CHN1: variants seen among roughly 807,000 people sequenced by gnomAD.
The protein encoded by CHN1 is N-chimaerin.
CHN1 carries 37 observed loss-of-function variants against 59.5 expected under a neutral mutation model. The ratio of observed to expected loss-of-function variants is 0.62; its 90% CI spans 0.48 to 0.82. The LOEUF (loss-of-function observed/expected upper bound fraction) is 0.82. Ranked by LOEUF, CHN1 falls within the 40% of genes least tolerant of loss-of-function variation. The probability of loss-of-function intolerance (pLI) is 0.00; values close to 1 mark genes in which losing one functional copy is unlikely to be tolerated. For missense variants in CHN1, 469 were observed against 571.0 expected (o/e 0.82, Z 1.82); for synonymous variants, 206 against 200.4 (o/e 1.03, Z -0.24).
intron 2 of CHN1, among the ~76,000 whole-genome samples, chr2:174,947,792 G>A (rs547615329): frequency 1.6e-4 from 25 of 152,014 alleles, no homozygotes; most frequent in African/African-American, 5.5e-4. Flanking sequence ...TCAAGTCTTG[G>A]ATATTTTATA....
intron 5 of CHN1, among the ~76,000 whole-genome samples, chr2:174,905,667 C>A (rs1688523387): frequency 6.6e-6 from 1 of 152,014 alleles, no homozygotes; most frequent in Admixed American, 6.6e-5. Context: ...CGGGTTCATG[C>A]CATTCTCCTG....
At chr2:174,875,031 G>A (rs1220720687) in intron 6 of CHN1, among the ~76,000 whole-genome samples, 3 of 151,584 alleles carry the variant, frequency 2.0e-5, no homozygotes, top group South Asian at 4.2e-4. Flanking sequence ...GTGCCACCAC[G>A]CCCGGCTAAT....
intron 7 of CHN1, among the ~76,000 whole-genome samples, chr2:174,836,850 T>C (rs1407035170): frequency 6.6e-6 from 1 of 152,140 alleles, no homozygotes; most frequent in African/African-American, 2.4e-5. Context: ...GAACCTTTTT[T>C]CAAACAGTCT....
chr2:174,812,795 A>AT (rs112042924), intron 8 of CHN1, among the ~76,000 whole-genome samples: 2 of 152,120 alleles, frequency 1.3e-5, no homozygotes, highest in African/African-American at 4.8e-5. Context: ...CAAATAGCCA[A>AT]AAAAAAAACC....
intron 1 of CHN1, among the ~76,000 whole-genome samples, chr2:174,990,192 T>A (rs1345718224): frequency 1.3e-5 from 2 of 151,406 alleles, no homozygotes; most frequent in African/African-American, 4.9e-5. Flanking sequence ...CTCCTGACAT[T>A]GGCAGACTTG....
chr2:174,829,889 G>T (rs533677884), intron 7 of CHN1, among the ~76,000 whole-genome samples: 1 of 152,234 alleles, frequency 6.6e-6, no homozygotes, highest in East Asian at 1.9e-4. Context: ...TTTATGTTTA[G>T]GGTAACTAGA....
At chr2:174,827,408 A>AT (rs1225242191) in intron 7 of CHN1, among the ~76,000 whole-genome samples, 3 of 152,238 alleles carry the variant, frequency 2.0e-5, no homozygotes, top group Admixed American at 1.3e-4. Flanking sequence ...CCATGAGCTA[A>AT]GTCCTGAGTT....
At chr2:174,992,809 TTTTTTTTTA>T (rs1305517870) in intron 1 of CHN1, among the ~76,000 whole-genome samples, 1 of 152,110 alleles carries the variant, frequency 6.6e-6, no homozygotes, top group African/African-American at 2.4e-5. Flanking sequence ...AATCACTTTT[TTTTTTTTTA>T]AGAGACAGAG....
intron 6 of CHN1, among the ~76,000 whole-genome samples, chr2:174,872,065 T>G (rs998231731): frequency 2.6e-5 from 4 of 152,156 alleles, no homozygotes; most frequent in African/African-American, 9.7e-5. Context: ...GTAGATCACT[T>G]GAGCTCAAGA....
chr2:174,924,399 C>A (rs527862595), intron 3 of CHN1, among the ~76,000 whole-genome samples: 15 of 152,284 alleles, frequency 9.9e-5, no homozygotes, highest in African/African-American at 1.9e-4. Flanking sequence ...ATCTCTATCA[C>A]CCTTTGTTAA....
At chr2:174,979,976 G>A (rs1013378382) in intron 1 of CHN1, among the ~76,000 whole-genome samples, 2 of 152,092 alleles carry the variant, frequency 1.3e-5, no homozygotes, top group Non-Finnish European at 2.9e-5. Context: ...TAAAATTTAA[G>A]AATTTTTATA....
chr2:174,818,617 T>C (rs1223514786), intron 8 of CHN1, among the ~76,000 whole-genome samples: 1 of 132,714 alleles, frequency 7.5e-6, no homozygotes, highest in East Asian at 1.9e-4. Context: ...ATTTTTATGT[T>C]ACTATTAAAC....
chr2:174,913,955 A>G (rs924418914), intron 5 of CHN1, among the ~76,000 whole-genome samples: 1 of 152,246 alleles, frequency 6.6e-6, no homozygotes, highest in African/African-American at 2.4e-5. Context: ...ATGAATGAAC[A>G]AATAAAGGGA....
chr2:174,915,440 A>G, intron 4 of CHN1: 1 of 345,716 alleles, frequency 2.9e-6, no homozygotes, highest in East Asian at 4.6e-5. Context: ...ATCTAAGGGA[A>G]GATCAACCAC....
intron 1 of CHN1, among the ~76,000 whole-genome samples, chr2:174,976,355 A>T (rs1166946062): frequency 6.6e-6 from 1 of 151,654 alleles, no homozygotes; most frequent in Non-Finnish European, 1.5e-5. Context: ...CTCCTGCCTC[A>T]GCCTCCCGAG....
intron 5 of CHN1, among the ~76,000 whole-genome samples, chr2:174,905,351 T>A (rs1000850057): frequency 2.0e-5 from 3 of 152,308 alleles, no homozygotes; most frequent in Admixed American, 6.5e-5. Context: ...CAAAATGTAC[T>A]TGAAACTCAA....
intron 1 of CHN1, among the ~76,000 whole-genome samples, chr2:174,970,471 G>A (rs1031563058): frequency 6.6e-6 from 1 of 152,126 alleles, no homozygotes; most frequent in African/African-American, 2.4e-5. Context: ...AAGAATTCAA[G>A]GAAACTTGTA....
intron 5 of CHN1, among the ~76,000 whole-genome samples, chr2:174,879,646 T>A (rs1687674152): frequency 6.6e-6 from 1 of 152,226 alleles, no homozygotes. Flanking sequence ...CCTTTTTTTC[T>A]AATATACATT....
At chr2:174,936,338 G>T (rs183091849) in intron 3 of CHN1, among the ~76,000 whole-genome samples, 1 of 152,264 alleles carries the variant, frequency 6.6e-6, no homozygotes, top group Admixed American at 6.5e-5. Context: ...GTTTAATAAT[G>T]GTCCAGTGCC....
Sources: allele counts gnomAD v4.1 joint callset (sites outside exome capture counted in the v4.1 genomes callset), GRCh38; gene constraint gnomAD v4.1.1; transcripts MANE v1.5; gene names NCBI Gene and HGNC (gene_info 2026-07-23, HGNC 2026-07-21).